PRKG1: variants seen among roughly 807,000 people sequenced by gnomAD.
The protein encoded by PRKG1 is cGMP-dependent protein kinase 1.
In PRKG1, 35 loss-of-function variants were observed where a neutral mutation model predicts 88.1. The observed-to-expected ratio is 0.40, with a 90% CI of 0.30 to 0.53. The LOEUF is 0.53. Among genes scored for constraint, PRKG1 ranks in the 20% least tolerant of loss-of-function variants. The probability of loss-of-function intolerance (pLI) is 0.59; values close to 1 mark genes in which losing one functional copy is unlikely to be tolerated. For missense variants in PRKG1, 540 were observed against 839.8 expected, an observed-to-expected ratio of 0.64 and a Z score of 4.41; for synonymous variants, 303 against 292.5, an observed-to-expected ratio of 1.04 and a Z score of -0.37.
In PRKG1 at chr10:52,161,955, T is replaced by C. The variant is rs766243424; in HGVS notation, c.1068T>C (p.Ala356=). ...VSNKAYEDAE[A]KAKYEAEAAF... ...ATAAAGCATATGAAGATGCAGAAGC[T>C]AAAGCAAAGTAAGTGACTTTTTTCC... is the stretch of plus-strand genomic sequence containing the variant. Residue 356 remains alanine (A), a synonymous_variant, in exon 9 of 18, where the codon GCT becomes GCC. Coordinates refer to ENST00000373980, the MANE Select transcript of PRKG1 (RefSeq NM_006258.4). 1 of 1,610,728 alleles carries C rather than the reference T, an allele frequency of 6.2e-7. No homozygotes were observed. Among genetic ancestry groups the C allele is most frequent in the Non-Finnish European group, 8.5e-7 (1 of 1,178,560 alleles).
chr10:51,506,099 C>CA (rs1453082883), intron 3 of PRKG1, among the ~76,000 whole-genome samples: 1 of 152,048 alleles, frequency 6.6e-6, no homozygotes, highest in African/African-American at 2.4e-5. Context: ...ACTGGCTAGC[C>CA]ATATGTAGAA....
At chr10:52,175,057 A>C (rs1838826371) in intron 9 of PRKG1, among the ~76,000 whole-genome samples, 1 of 152,042 alleles carries the variant, frequency 6.6e-6, no homozygotes, top group Non-Finnish European at 1.5e-5. Flanking sequence ...GTCATCCTAC[A>C]ATGATATAGA....
chr10:52,282,633 T>A (rs1005967783), intron 14 of PRKG1, among the ~76,000 whole-genome samples: 4 of 152,042 alleles, frequency 2.6e-5, no homozygotes, highest in Non-Finnish European at 5.9e-5. Flanking sequence ...ACAGGGGAGA[T>A]GATAATCATA....
intron 9 of PRKG1, among the ~76,000 whole-genome samples, chr10:52,172,065 G>A (rs1237283911): frequency 6.6e-6 from 1 of 151,402 alleles, no homozygotes; most frequent in African/African-American, 2.4e-5. Flanking sequence ...GCCTCCCAAA[G>A]TGCTGGGATT....
chr10:51,033,127 C>A (rs563044691), intron 1 of PRKG1, among the ~76,000 whole-genome samples: 1 of 152,200 alleles, frequency 6.6e-6, no homozygotes, highest in African/African-American at 2.4e-5. Context: ...TCCCTTATCT[C>A]CAGACATAAC....
intron 3 of PRKG1, among the ~76,000 whole-genome samples, chr10:51,765,815 A>ATTTTTTTTTTTTTTTTTTTTTTTTTTTTT (rs398046339): frequency 7.4e-6 from 1 of 134,614 alleles, no homozygotes. Context: ...GCCTTACATG[A>ATTTTTTTTTTTTTTTTTTTTTTTTTTTTT]TTTTTTTTTT....
chr10:51,074,379 C>T, upstream of PRKG1: 1 of 1,305,036 alleles, frequency 7.7e-7, no homozygotes, highest in Non-Finnish European at 1.0e-6. Flanking sequence ...GCCTCACAGC[C>T]AGCCCAGAGA....
chr10:51,913,768 G>C (rs1021475056), intron 5 of PRKG1, among the ~76,000 whole-genome samples: 5 of 152,058 alleles, frequency 3.3e-5, no homozygotes, highest in African/African-American at 1.2e-4. Flanking sequence ...CTCAAATCGA[G>C]ACAATAAATA....
At chr10:51,789,422 TG>T (rs1214137648) in intron 3 of PRKG1, among the ~76,000 whole-genome samples, 1 of 152,170 alleles carries the variant, frequency 6.6e-6, no homozygotes, top group Non-Finnish European at 1.5e-5. Flanking sequence ...TGATGTGAGA[TG>T]GACCCTCCTA....
intron 3 of PRKG1, among the ~76,000 whole-genome samples, chr10:51,614,255 A>G (rs1838986580): frequency 2.0e-5 from 3 of 151,600 alleles, no homozygotes; most frequent in South Asian, 4.2e-4. Flanking sequence ...ATCTTCATCT[A>G]TTTTTTACTG....
At chr10:51,330,981 G>A (rs921145838) in intron 2 of PRKG1, among the ~76,000 whole-genome samples, 3 of 152,132 alleles carry the variant, frequency 2.0e-5, no homozygotes, top group South Asian at 2.1e-4. Flanking sequence ...TGGGTGGCAC[G>A]GTGCTCCTCA....
Position 52,010,244 on chromosome 10 carries a change from G to A in PRKG1, c.763-44240G>A, listed in dbSNP as rs1241461686. On this transcript the variant is annotated intron_variant, in intron 5 of 17. Transcript: ENST00000373980. ...CAACAGAGTAAACACACAGCTTACA[G>A]AGTAGGAGAAAATACTTGCAAACTA... 3.9e-5 allele frequency among the ~76,000 whole-genome samples: 6 copies of A among 152,134 alleles called. No individual in the cohort carries two copies. The South Asian group carries it at 1.2e-3, about 31-fold the overall frequency.
chr10:51,505,116 G>A (rs375137577), intron 3 of PRKG1, among the ~76,000 whole-genome samples: 1 of 152,148 alleles, frequency 6.6e-6, no homozygotes, highest in East Asian at 1.9e-4. Flanking sequence ...GTTTGTCATA[G>A]ATAGCTCTTA....
intron 2 of PRKG1, among the ~76,000 whole-genome samples, chr10:51,305,416 G>A (rs1841010926): frequency 6.6e-6 from 1 of 152,078 alleles, no homozygotes. Flanking sequence ...AAAGCTGTTG[G>A]GGGTGACTGG....
chr10:51,814,857 ATATTGT>A (rs1446262759), intron 4 of PRKG1, among the ~76,000 whole-genome samples: 1 of 152,190 alleles, frequency 6.6e-6, no homozygotes, highest in Non-Finnish European at 1.5e-5. Context: ...TGCACATTTC[ATATTGT>A]TACTTTCACC....
At chr10:51,727,754 C>T (rs1842172067) in intron 3 of PRKG1, among the ~76,000 whole-genome samples, 1 of 152,062 alleles carries the variant, frequency 6.6e-6, no homozygotes, top group South Asian at 2.1e-4. Flanking sequence ...GGGTAAATGA[C>T]TGTTTAAACC....
chr10:51,176,067 T>A (rs1837183940), intron 2 of PRKG1, among the ~76,000 whole-genome samples: 1 of 152,106 alleles, frequency 6.6e-6, no homozygotes, highest in Non-Finnish European at 1.5e-5. Context: ...AGCCTATCAT[T>A]TGGAGAAGCG....
At chr10:51,817,913 A>G (rs1839634205) in intron 4 of PRKG1, among the ~76,000 whole-genome samples, 1 of 152,082 alleles carries the variant, frequency 6.6e-6, no homozygotes, top group South Asian at 2.1e-4. Flanking sequence ...AGTGTAGTCA[A>G]TTGCTTCTTA....
chr10:52,102,144 T>C (rs1847307179), intron 7 of PRKG1, among the ~76,000 whole-genome samples: 1 of 152,186 alleles, frequency 6.6e-6, no homozygotes, highest in Non-Finnish European at 1.5e-5. Context: ...AGTCAGGAAG[T>C]ACCTAGCCAA....
Sources: allele counts gnomAD v4.1 joint callset (sites outside exome capture counted in the v4.1 genomes callset), GRCh38; gene constraint gnomAD v4.1.1; transcripts MANE v1.5; gene names NCBI Gene and HGNC (gene_info 2026-07-23, HGNC 2026-07-21).